The following TRRAP variants were observed in gnomAD, a reference collection of about 807,000 sequenced individuals.
TRRAP encodes the protein transformation/transcription domain associated protein, also known as transformation/transcription domain-associated protein.
TRRAP carries 41 observed loss-of-function variants against 438.8 expected under a neutral mutation model. That is an observed-to-expected ratio of 0.09 (90% confidence interval 0.07 to 0.12). The LOEUF (loss-of-function observed/expected upper bound fraction) is 0.12, where lower values mean the gene tolerates loss of function less well. TRRAP is among the 10% of genes least tolerant of loss of function. The pLI, the probability that TRRAP is intolerant of heterozygous loss-of-function variation, is 1.00. For synonymous variants in TRRAP, 1,994 were observed against 1,962.9 expected (o/e 1.02, Z -0.42); for missense variants, 3,122 against 5,055.1 (o/e 0.62, Z 11.60).
At position 98,976,457 on chromosome 7, in the gene TRRAP, C is replaced by G. The variant is rs760943948; in HGVS notation, c.7960-26C>G. The G allele has an allele frequency of 1.9e-6, 3 of 1,597,288 alleles. No individual in the cohort carries two copies. The highest frequency in any genetic ancestry group is 1.7e-6 in the Non-Finnish European group (2 of 1,173,756). On this transcript the variant is annotated intron_variant, in intron 54 of 72. Coordinates refer to ENST00000456197, the MANE Select transcript of TRRAP (RefSeq NM_001375524.1). This position sits in a 1 kb window ranked among gnomAD's most constrained non-coding sequence, Gnocchi z 4.6. ...GACTTGCCGATTTTTGAATGAAGGCCTAAATGACATGTGCTTTGGTTTCAG... is the reference window on the plus strand; with the variant it reads ...GACTTGCCGATTTTTGAATGAAGGCGTAAATGACATGTGCTTTGGTTTCAG...
Position 98,908,893 on chromosome 7 carries a change from G to A in TRRAP, c.1281G>A (p.Val427=). 1 of 1,614,014 alleles carries A rather than the reference G, an allele frequency of 6.2e-7. No individual in the cohort carries two copies. Among genetic ancestry groups the A allele is most frequent in the Non-Finnish European group, 8.5e-7 (1 of 1,179,968 alleles). ...CCTGCAAGCTCCTGCTGAACCTGGT[G>A]GACTGCATCCGTTCCAAGAGCGAGC... ...TMSCKLLLNL[V]DCIRSKSEQE... The change falls in exon 14 of 73, where the codon GTG becomes GTA. Residue 427 remains valine (V), a synonymous_variant. Coordinates refer to ENST00000456197, the MANE Select transcript of TRRAP (RefSeq NM_001375524.1). The surrounding 1 kb of genome is among the most constrained non-coding windows in gnomAD (Gnocchi z 4.1).
At chr7:98,898,132 C>T (rs1454367915) in intron 8 of TRRAP, among the ~76,000 whole-genome samples, 1 of 152,142 alleles carries the variant, frequency 6.6e-6, no homozygotes, top group African/African-American at 2.4e-5. Context: ...TGTGGGGTGT[C>T]TGTTCTGTCC....
intron 67 of TRRAP, among the ~76,000 whole-genome samples, chr7:98,997,720 C>T (rs1046433947): frequency 6.6e-6 from 1 of 152,100 alleles, no homozygotes. Context: ...AAATTGTCCC[C>T]ACACGCAGAA....
chr7:98,950,111 T>G lies in TRRAP; in HGVS notation c.5183T>G (p.Phe1728Cys). Reference sequence around the variant, plus strand: ...TTGCTGTTCCAGCTGCTCCGAGCCTTTACTGGTCGTTTTCTCTGCAACATG... The same window carrying G: ...TTGCTGTTCCAGCTGCTCCGAGCCTGTACTGGTCGTTTTCTCTGCAACATG... ...IELLFQLLRA[F>C]TGRFLCNMTF... is the part of the protein sequence containing the mutation. Residue 1728 changes from phenylalanine to cysteine, a missense_variant, in exon 38 of 73, where the codon TTT becomes TGT. This residue lies in a region of TRRAP where 272 missense variants were observed against 348.5 expected (regional missense o/e 0.78). Coordinates refer to ENST00000456197, the MANE Select transcript of TRRAP (RefSeq NM_001375524.1). 2 of 1,614,246 alleles carry G rather than the reference T, an allele frequency of 1.2e-6. No homozygotes were observed. Among genetic ancestry groups the G allele is most frequent in the Non-Finnish European group, 1.7e-6 (2 of 1,180,044 alleles).
Position 99,005,143 on chromosome 7 carries a change from G to A in TRRAP, c.10548G>A (p.Arg3516=). 6.2e-7 allele frequency: 1 copy of A among 1,613,610 alleles called. No homozygotes were observed. Among genetic ancestry groups the A allele is most frequent in the Non-Finnish European group, 8.5e-7 (1 of 1,179,978 alleles). The change falls in exon 69 of 73, where the codon CGG becomes CGA. Residue 3516 remains arginine, a synonymous_variant. Coordinates refer to ENST00000456197, the MANE Select transcript of TRRAP (RefSeq NM_001375524.1). The surrounding 1 kb of genome is among the most constrained non-coding windows in gnomAD (Gnocchi z 5.1). ...CTCGCTCTGGCAGGTTCATGCCCCGGGTAGAGATTGTGCAGAAGCACAACA... is the reference window on the plus strand; with the variant it reads ...CTCGCTCTGGCAGGTTCATGCCCCGAGTAGAGATTGTGCAGAAGCACAACA... ...YYIKIARFMP[R]VEIVQKHNTA...
intron 67 of TRRAP, chr7:98,999,762 C>T: frequency 3.2e-6 from 2 of 617,360 alleles, no homozygotes; most frequent in Non-Finnish European, 5.8e-6. Context: ...TCTGGGGGCA[C>T]TCATCTGAAT....
chr7:98,983,555 G>GTT, intron 60 of TRRAP, 96 bp downstream of exon 60: 1 of 1,402,674 alleles, frequency 7.1e-7, no homozygotes, highest in Non-Finnish European at 9.7e-7. Flanking sequence ...GTTTGGTTTG[G>GTT]TTTTTTTTTC....
chr7:98,906,320 A>G (rs975170496), intron 13 of TRRAP, 65 bp downstream of exon 13: 2 of 1,353,590 alleles, frequency 1.5e-6, no homozygotes, highest in Non-Finnish European at 2.1e-6. Context: ...CTGGCACTTC[A>G]TGTTACAAGT....
chr7:98,974,733 C>A (rs1792575138), intron 53 of TRRAP, among the ~76,000 whole-genome samples: 1 of 152,136 alleles, frequency 6.6e-6, no homozygotes, highest in Non-Finnish European at 1.5e-5. Context: ...CACAGAGATA[C>A]CCCAAATAAT....
intron 22 of TRRAP, 147 bp downstream of exon 22, chr7:98,925,410 G>T: frequency 9.3e-6 from 11 of 1,181,504 alleles, no homozygotes; most frequent in Non-Finnish European, 1.2e-5. Flanking sequence ...CTTCTTGTTG[G>T]GGCCTTAGAG....
At chr7:98,945,883 A>G (rs782168638) in intron 32 of TRRAP, 47 bp from the exon 33 acceptor site, 8 of 1,565,074 alleles carry the variant, frequency 5.1e-6, no homozygotes, top group Non-Finnish European at 6.9e-6. Context: ...TTTTCTTTTT[A>G]CCTTTCTGTT....
chr7:99,005,112 T>C lies in TRRAP; in HGVS notation c.10536-19T>C. ...AGCAGAGATGCAGGGCATGTCCTCA[T>C]GGCTTCTCGCTCTGGCAGGTTCATG... is the stretch of plus-strand genomic sequence containing the variant. On this transcript the variant is annotated intron_variant, in intron 68 of 72. Coordinates refer to ENST00000456197, the MANE Select transcript of TRRAP (RefSeq NM_001375524.1). This position sits in a 1 kb window ranked among gnomAD's most constrained non-coding sequence, Gnocchi z 5.1. 1 of 1,612,230 alleles carries C rather than the reference T, an allele frequency of 6.2e-7. No individual in the cohort carries two copies. Among genetic ancestry groups the C allele is most frequent in the Non-Finnish European group, 8.5e-7 (1 of 1,179,454 alleles).
At chr7:98,957,859 C>T (rs781797145) in intron 43 of TRRAP, 122 bp from the exon 44 acceptor site, 19 of 793,222 alleles carry the variant, frequency 2.4e-5, no homozygotes, top group African/African-American at 5.1e-5. Context: ...GTATCCCCAG[C>T]GCCCAGAGCT....
At chr7:98,977,903 T>G (rs912819934) in intron 56 of TRRAP, among the ~76,000 whole-genome samples, 10 of 152,200 alleles carry the variant, frequency 6.6e-5, no homozygotes, top group Non-Finnish European at 1.3e-4. Context: ...GCTGCGGGCA[T>G]TTAGTGCTCC....
chr7:98,951,047 G>A (rs1304806316), intron 39 of TRRAP, 43 bp downstream of exon 39: 10 of 1,418,034 alleles, frequency 7.1e-6, no homozygotes, highest in Non-Finnish European at 9.5e-6. Flanking sequence ...AGCCTGGCAT[G>A]TGGATGAACA....
chr7:98,885,551 T>C (rs539287502), intron 3 of TRRAP, among the ~76,000 whole-genome samples: 3 of 152,238 alleles, frequency 2.0e-5, no homozygotes, highest in Non-Finnish European at 4.4e-5. Context: ...TTTTTTTTAA[T>C]AGACATTTTC....
intron 38 of TRRAP, 26 bp from the exon 39 acceptor site, chr7:98,950,850 C>T: frequency 6.7e-7 from 1 of 1,499,950 alleles, no homozygotes; most frequent in Non-Finnish European, 8.9e-7. Flanking sequence ...TGTTTTTCTC[C>T]TTCTTTATTT....
chr7:98,983,612 A>G (rs1254553570), intron 60 of TRRAP, 153 bp downstream of exon 60: 2 of 781,542 alleles, frequency 2.6e-6, no homozygotes, highest in Non-Finnish European at 4.1e-6. Flanking sequence ...TCGGGGTGGT[A>G]ATGGTACAGG....
At position 99,008,463 on chromosome 7, in the gene TRRAP, C is replaced by G; in HGVS notation, c.10840C>G (p.Arg3614Gly). Residue 3614 changes from arginine (R) to glycine (G), a missense_variant, in exon 70 of 73, where the codon CGC becomes GGC. Arg to Gly is a moderately radical substitution (Grantham distance 125). This residue lies in a region of TRRAP where 38 missense variants were observed against 32.1 expected (regional missense o/e 1.18). Transcript: ENST00000456197. ...TTCCCTTGTGGAGATCTACAAGCAGCGCTGCGCCAAGAAGGGCATCGAGCA... is the reference window on the plus strand; with the variant it reads ...TTCCCTTGTGGAGATCTACAAGCAGGGCTGCGCCAAGAAGGGCATCGAGCA... ...SLSLVEIYKQ[R>G]CAKKGIEHDN... 1 of 1,614,160 alleles carries G rather than the reference C, an allele frequency of 6.2e-7. No individual in the cohort carries two copies. Among genetic ancestry groups the G allele is most frequent in the Non-Finnish European group, 8.5e-7 (1 of 1,180,030 alleles).
Sources: gnomAD v4.1 joint callset for allele counts (sites outside exome capture counted in the v4.1 genomes callset) on GRCh38, gnomAD v4.1.1 for gene constraint, gnomAD v4.1.1 regional missense constraint, Gnocchi (gnomAD v3.1) non-coding constraint, MANE v1.5 for transcripts, NCBI Gene and HGNC (gene_info 2026-07-23, HGNC 2026-07-21) for gene names.